HECW1: variants seen among roughly 807,000 people sequenced by gnomAD.
HECW1 encodes the protein E3 ubiquitin-protein ligase HECW1.
In HECW1, 61 loss-of-function variants were observed where a neutral mutation model predicts 182.3. That is an observed-to-expected ratio of 0.33 (90% CI 0.27 to 0.41). The LOEUF is 0.41. Ranked by LOEUF, HECW1 falls within the 10% of genes least tolerant of loss-of-function variation. The probability of loss-of-function intolerance (pLI) is 1.00; values close to 1 mark genes in which losing one functional copy is unlikely to be tolerated. For missense variants in HECW1, 1,739 were observed against 2,108.9 expected (o/e 0.82, Z 3.44); for synonymous variants, 859 against 832.6 (o/e 1.03, Z -0.55).
chr7:43,290,198 C>A (rs925453178), intron 3 of HECW1, among the ~76,000 whole-genome samples: 3 of 152,190 alleles, frequency 2.0e-5, no homozygotes, highest in Non-Finnish European at 4.4e-5. Context: ...CAAAAGACAG[C>A]TTTGCAGGGC....
At chr7:43,298,006 G>A (rs113988593) in intron 3 of HECW1, among the ~76,000 whole-genome samples, 98 of 152,294 alleles carry the variant, frequency 6.4e-4, no homozygotes, top group African/African-American at 2.2e-3. Context: ...CCAGGAATTC[G>A]AGGTTGCAGT....
chr7:43,152,519 C>T (rs1348257342), intron 2 of HECW1, among the ~76,000 whole-genome samples: 1 of 146,242 alleles, frequency 6.8e-6, no homozygotes, highest in Non-Finnish European at 1.5e-5. Context: ...TTTTTATAGA[C>T]TCATATTCCT....
chr7:43,392,926 G>A (rs950444340), intron 6 of HECW1, among the ~76,000 whole-genome samples: 1 of 152,120 alleles, frequency 6.6e-6, no homozygotes, highest in Non-Finnish European at 1.5e-5. Context: ...TGCAACAGTG[G>A]TGTGAATTCA....
chr7:43,200,617 A>G (rs193100489), intron 2 of HECW1, among the ~76,000 whole-genome samples: 355 of 152,298 alleles, frequency 2.3e-3, no homozygotes, highest in African/African-American at 8.1e-3. Context: ...GAGCTTTGCC[A>G]TGTTCTCTTG....
chr7:43,122,572 C>A (rs1055791319), intron 2 of HECW1, among the ~76,000 whole-genome samples: 16 of 152,296 alleles, frequency 1.1e-4, no homozygotes, highest in African/African-American at 3.9e-4. Context: ...ACTTTGCAAG[C>A]ACTATCCATC....
In HECW1 at chr7:43,445,240, A is replaced by T. The variant is rs542873283; in HGVS notation, c.2068A>T (p.Thr690Ser). Residue 690 changes from threonine (T) to serine (S), a missense_variant, in exon 11 of 30, where the codon ACG (threonine) becomes TCG (serine). Transcript: ENST00000395891. ...GTGCTACAGCTCCTCGTGCTACAGC[A>T]CGTCCTGCTACAGCAGCTCGTGCTA... ...PSCYSSSCYSTSCYSSSCYSA... is the reference protein window; with the variant it reads ...PSCYSSSCYSSSCYSSSCYSA... 1.2e-6 allele frequency: 2 copies of T among 1,613,138 alleles called. No homozygotes were observed. Among genetic ancestry groups the T allele is most frequent in the Non-Finnish European group, 1.7e-6 (2 of 1,179,580 alleles).
intron 2 of HECW1, among the ~76,000 whole-genome samples, chr7:43,124,236 C>T (rs890640827): frequency 5.9e-5 from 9 of 152,284 alleles, no homozygotes; most frequent in Admixed American, 1.3e-4. Context: ...ATTTTAGAGG[C>T]AAAAGAGAGT....
At chr7:43,378,948 C>T (rs553562963) in intron 6 of HECW1, among the ~76,000 whole-genome samples, 1 of 152,172 alleles carries the variant, frequency 6.6e-6, no homozygotes, top group South Asian at 2.1e-4. Context: ...TAGGGACAAC[C>T]TACCTTCCAG....
intron 8 of HECW1, among the ~76,000 whole-genome samples, chr7:43,436,470 C>T (rs1252247254): frequency 2.0e-5 from 3 of 151,896 alleles, no homozygotes; most frequent in African/African-American, 7.2e-5. Context: ...AGGGAGTCAG[C>T]GAAGGGAGAT....
At chr7:43,159,958 C>A (rs546783170) in intron 2 of HECW1, among the ~76,000 whole-genome samples, 3 of 152,184 alleles carry the variant, frequency 2.0e-5, no homozygotes, top group African/African-American at 7.2e-5. Context: ...CGATTACAGG[C>A]GTGAGCCACC....
intron 2 of HECW1, among the ~76,000 whole-genome samples, chr7:43,199,076 C>G (rs1054952892): frequency 6.6e-6 from 1 of 152,208 alleles, no homozygotes; most frequent in Non-Finnish European, 1.5e-5. Context: ...ACACGGAGAA[C>G]CCTCCAGACC....
intron 2 of HECW1, among the ~76,000 whole-genome samples, chr7:43,153,176 A>G (rs755825598): frequency 3.8e-4 from 58 of 152,038 alleles, no homozygotes; most frequent in Admixed American, 4.6e-4. Flanking sequence ...ATTTTTTTTT[A>G]AAACCACTGA....
intron 17 of HECW1, among the ~76,000 whole-genome samples, chr7:43,483,353 C>T (rs764208073): frequency 7.9e-5 from 12 of 151,836 alleles, no homozygotes; most frequent in South Asian, 6.2e-4. Flanking sequence ...CAGGAGTGCC[C>T]CCAGTTCCCC....
At chr7:43,178,195 G>A (rs373202102) in intron 2 of HECW1, among the ~76,000 whole-genome samples, 4 of 152,208 alleles carry the variant, frequency 2.6e-5, no homozygotes, top group East Asian at 3.9e-4. Flanking sequence ...TAGTAGAGAC[G>A]AGGTTTCACC....
chr7:43,390,643 CA>C (rs2074993004), intron 6 of HECW1, among the ~76,000 whole-genome samples: 1 of 151,682 alleles, frequency 6.6e-6, no homozygotes, highest in Non-Finnish European at 1.5e-5. Context: ...GAAATGACCC[CA>C]GGGGGTTAAC....
At chr7:43,235,983 G>T (rs1798299199) in intron 2 of HECW1, among the ~76,000 whole-genome samples, 2 of 152,218 alleles carry the variant, frequency 1.3e-5, no homozygotes, top group South Asian at 4.1e-4. Flanking sequence ...GAGCCCAGGA[G>T]TTTGAGAACA....
Position 43,365,292 on chromosome 7 carries a change from C to T in HECW1, c.555+4312C>T, listed in dbSNP as rs149550215. 1.1e-4 allele frequency among the ~76,000 whole-genome samples: 17 copies of T among 152,362 alleles called. 1 individual carries two copies. Among genetic ancestry groups the T allele is most frequent in the Middle Eastern group, 3.4e-3 (1 of 294 alleles). On this transcript the variant is annotated intron_variant, in intron 6 of 29. Coordinates refer to ENST00000395891, the MANE Select transcript of HECW1 (RefSeq NM_015052.5). Reference sequence around the variant, plus strand: ...CACCTGGTTTATGAGACCCTCCCTACAGAGCGTTCACCTGGCAGTGCAGTG... The same window carrying T: ...CACCTGGTTTATGAGACCCTCCCTATAGAGCGTTCACCTGGCAGTGCAGTG...
intron 16 of HECW1, among the ~76,000 whole-genome samples, chr7:43,470,566 A>C (rs997408461): frequency 6.6e-6 from 1 of 152,230 alleles, no homozygotes; most frequent in Non-Finnish European, 1.5e-5. Context: ...ACAGAGATGC[A>C]CTGTGAGAGT....
intron 24 of HECW1, among the ~76,000 whole-genome samples, chr7:43,534,205 A>T (rs2081092400): frequency 6.6e-6 from 1 of 152,196 alleles, no homozygotes; most frequent in African/African-American, 2.4e-5. Flanking sequence ...GAGTATCATT[A>T]GGTCTTTTAT....
Sources: allele counts gnomAD v4.1 joint callset (sites outside exome capture counted in the v4.1 genomes callset), GRCh38; gene constraint gnomAD v4.1.1; transcripts MANE v1.5; gene names NCBI Gene and HGNC (gene_info 2026-07-23, HGNC 2026-07-21).